GRAP2: variants seen among roughly 807,000 people sequenced by gnomAD.
GRAP2 encodes GRB2-related adapter protein 2.
In GRAP2, 31 loss-of-function variants were observed where a neutral mutation model predicts 43.5. The observed-to-expected ratio is 0.71, with a 90% CI of 0.54 to 0.96. GRAP2 has a LOEUF of 0.96. Among genes scored for constraint, GRAP2 ranks in the 40% least tolerant of loss-of-function variants. The pLI is 0.00. For synonymous variants in GRAP2, 156 were observed against 164.8 expected (o/e 0.95, Z 0.41); for missense variants, 371 against 424.4 (o/e 0.87, Z 1.11).
intron 1 of GRAP2, among the ~76,000 whole-genome samples, chr22:39,917,183 CT>C (rs1383635473): frequency 6.6e-6 from 1 of 152,210 alleles, no homozygotes. Context: ...GAGGGATTTA[CT>C]GTGCTCATGG....
chr22:39,945,345 T>C (rs2066910897), intron 1 of GRAP2, among the ~76,000 whole-genome samples: 1 of 152,220 alleles, frequency 6.6e-6, no homozygotes, highest in Non-Finnish European at 1.5e-5. Context: ...CTTCGAAAGA[T>C]TGAACAATTG....
upstream of GRAP2, among the ~76,000 whole-genome samples, chr22:39,900,590 A>G (rs185333521): frequency 2.0e-3 from 312 of 152,312 alleles, 2 homozygotes; most frequent in Non-Finnish European, 2.1e-3. Context: ...CTCAACAGAA[A>G]TTGAAGTCCC....
chr22:39,933,129 G>A (rs1045451259), intron 1 of GRAP2, among the ~76,000 whole-genome samples: 1 of 139,480 alleles, frequency 7.2e-6, no homozygotes, highest in African/African-American at 3.0e-5. Context: ...AATTAGACCC[G>A]GTGCCTTTGT....
chr22:39,962,473 AAAC>A (rs763127364), intron 4 of GRAP2, among the ~76,000 whole-genome samples: 4 of 152,084 alleles, frequency 2.6e-5, no homozygotes, highest in Admixed American at 1.3e-4. Context: ...TTATTAGAAA[AAAC>A]AATTATACAT....
intron 1 of GRAP2, among the ~76,000 whole-genome samples, chr22:39,911,263 T>C (rs912284030): frequency 2.0e-5 from 3 of 152,126 alleles, no homozygotes; most frequent in Non-Finnish European, 4.4e-5. Flanking sequence ...GTTTATCTGA[T>C]TTTTGGTTGT....
chr22:39,959,903 C>G, intron 3 of GRAP2, 152 bp from the exon 4 acceptor site: 1 of 683,894 alleles, frequency 1.5e-6, no homozygotes, highest in Non-Finnish European at 2.6e-6. Context: ...GCCTGGAGCA[C>G]TGGTTTGATT....
At chr22:39,920,337 C>T (rs909951212) in intron 1 of GRAP2, among the ~76,000 whole-genome samples, 9 of 152,172 alleles carry the variant, frequency 5.9e-5, no homozygotes, top group Admixed American at 3.3e-4. Flanking sequence ...ATCTTCTTCC[C>T]GTTATGCCCA....
At chr22:39,926,784 G>A (rs1268372217) in intron 1 of GRAP2, 1 of 984,842 alleles carries the variant, frequency 1.0e-6, no homozygotes, top group Non-Finnish European at 1.2e-6. Flanking sequence ...GAGACAGCAG[G>A]TTCGCCCAAA....
intron 4 of GRAP2, among the ~76,000 whole-genome samples, chr22:39,961,155 T>A (rs5757818): frequency 6.6e-6 from 1 of 152,122 alleles, no homozygotes; most frequent in Non-Finnish European, 1.5e-5. Flanking sequence ...GGTCTTACTG[T>A]GTTGCCTGGG....
At chr22:39,932,133 A>G (rs1449430519) in intron 1 of GRAP2, among the ~76,000 whole-genome samples, 1 of 152,226 alleles carries the variant, frequency 6.6e-6, no homozygotes, top group African/African-American at 2.4e-5. Flanking sequence ...GAGGGGCAGC[A>G]GGGAAATTCG....
At chr22:39,931,856 A>G (rs541552378) in intron 1 of GRAP2, among the ~76,000 whole-genome samples, 1 of 152,362 alleles carries the variant, frequency 6.6e-6, no homozygotes, top group African/African-American at 2.4e-5. Flanking sequence ...ACAGTATTCC[A>G]TAATATATAA....
At chr22:39,961,404 G>A (rs1009848934) in intron 4 of GRAP2, among the ~76,000 whole-genome samples, 2 of 152,088 alleles carry the variant, frequency 1.3e-5, no homozygotes, top group Admixed American at 6.6e-5. Flanking sequence ...CATGCCAAGG[G>A]GTGTCGTTTT....
intron 1 of GRAP2, among the ~76,000 whole-genome samples, chr22:39,925,703 A>G (rs1300772365): frequency 6.6e-6 from 1 of 152,198 alleles, no homozygotes; most frequent in African/African-American, 2.4e-5. Context: ...TTTTGGACGA[A>G]TGAAGGAGCT....
intron 1 of GRAP2, chr22:39,926,819 C>A: frequency 1.0e-6 from 1 of 982,952 alleles, no homozygotes; most frequent in Non-Finnish European, 1.2e-6. Flanking sequence ...TGATCACTGC[C>A]AATTAGGGGA....
At chr22:39,908,263 G>A (rs1026538254) in intron 1 of GRAP2, among the ~76,000 whole-genome samples, 2 of 152,170 alleles carry the variant, frequency 1.3e-5, no homozygotes, top group African/African-American at 2.4e-5. Flanking sequence ...AATTCTTAAC[G>A]GATTCCCTTG....
intron 5 of GRAP2, among the ~76,000 whole-genome samples, chr22:39,966,495 GT>G (rs1333171959): frequency 9.2e-5 from 14 of 152,168 alleles, no homozygotes; most frequent in Non-Finnish European, 2.9e-5. Context: ...CACAGGTGCT[GT>G]TTTTTTGTTA....
In GRAP2 at chr22:39,927,810, G is replaced by A. The variant is rs531765156; in HGVS notation, c.-14-19283G>A. On this transcript the variant is annotated intron_variant, in intron 1 of 7. Transcript: ENST00000344138. Reference sequence around the variant, plus strand: ...GCCCCTTCCCAATGGCTACAACAGGGTAAGGGGACCCTGTCCTTCTGTCTC... The same window carrying A: ...GCCCCTTCCCAATGGCTACAACAGGATAAGGGGACCCTGTCCTTCTGTCTC... 2.0e-4 allele frequency among the ~76,000 whole-genome samples: 30 copies of A among 152,334 alleles called. No homozygotes were observed. The South Asian group carries it at 5.8e-3, about 29-fold the overall frequency.
Position 39,911,755 on chromosome 22 carries a change from C to T in GRAP2, c.-15+10425C>T, listed in dbSNP as rs191197929. Among the ~76,000 whole-genome samples, 359 of 152,276 alleles carry T rather than the reference C, an allele frequency of 2.4e-3. 3 individuals carry two copies. The highest frequency in any genetic ancestry group is 8.3e-3 in the African/African-American group (344 of 41,542). On this transcript the variant is annotated intron_variant, in intron 1 of 7. Coordinates refer to ENST00000344138, the MANE Select transcript of GRAP2 (RefSeq NM_004810.4). ...CCAGTAGCCCCTCCCCAACCTTTCACGTGATTTTTAATCCAGGGCCTGGGC... is the reference window on the plus strand; with the variant it reads ...CCAGTAGCCCCTCCCCAACCTTTCATGTGATTTTTAATCCAGGGCCTGGGC...
rs1413980987 is a variant in GRAP2 at position 39,924,697 on chromosome 22, G to A, written c.-14-22396G>A. ...AGCCTGGGTGACAAAACGAGACTCC[G>A]TCTCAAAAAAAAAAAGAAGTGACAA... On this transcript the variant is annotated intron_variant, in intron 1 of 7. Coordinates refer to ENST00000344138, the MANE Select transcript of GRAP2 (RefSeq NM_004810.4). Among the ~76,000 whole-genome samples, 17 of 151,314 alleles carry A rather than the reference G, an allele frequency of 1.1e-4. 1 individual carries two copies. Among genetic ancestry groups the A allele is most frequent in the South Asian group, 8.3e-4 (4 of 4,798 alleles).
Sources: gnomAD v4.1 joint callset for allele counts (sites outside exome capture counted in the v4.1 genomes callset) on GRCh38, gnomAD v4.1.1 for gene constraint, MANE v1.5 for transcripts, NCBI Gene and HGNC (gene_info 2026-07-23, HGNC 2026-07-21) for gene names.